The following RBFOX2 variants were observed in gnomAD, a reference collection of about 807,000 sequenced individuals.
The protein encoded by RBFOX2 is RNA binding protein fox-1 homolog 2.
RBFOX2 carries 10 observed loss-of-function variants against 49.1 expected under a neutral mutation model. That is an observed-to-expected ratio of 0.20 (90% CI 0.13 to 0.35). The LOEUF is 0.35. RBFOX2 is among the 10% of genes least tolerant of loss of function. The pLI, the probability that RBFOX2 is intolerant of heterozygous loss-of-function variation, is 1.00. For missense variants in RBFOX2, 323 were observed against 486.9 expected (o/e 0.66, Z 3.17); for synonymous variants, 183 against 187.4 (o/e 0.98, Z 0.19).
intron 1 of RBFOX2, among the ~76,000 whole-genome samples, chr22:35,873,025 C>T (rs2044562311): frequency 6.6e-6 from 1 of 152,188 alleles, no homozygotes; most frequent in South Asian, 2.1e-4. Flanking sequence ...TAATCAGCAA[C>T]TTTATAATTA....
At chr22:35,979,944 T>C (rs1216349702) in intron 1 of RBFOX2, among the ~76,000 whole-genome samples, 3 of 152,082 alleles carry the variant, frequency 2.0e-5, no homozygotes, top group Non-Finnish European at 4.4e-5. Context: ...GCCAATATCT[T>C]TACTTATCAT....
intron 6 of RBFOX2, among the ~76,000 whole-genome samples, chr22:35,763,948 T>C (rs1202108786): frequency 6.6e-6 from 1 of 152,232 alleles, no homozygotes; most frequent in Non-Finnish European, 1.5e-5. Context: ...AGGCTCTTTC[T>C]GTCACAATAT....
chr22:35,875,619 T>A (rs1049639292), intron 1 of RBFOX2, among the ~76,000 whole-genome samples: 1 of 126,304 alleles, frequency 7.9e-6, no homozygotes, highest in Non-Finnish European at 1.7e-5. Flanking sequence ...TGTGTGTGTG[T>A]GTGTGTGTGT....
chr22:36,022,368 G>A (rs969223135), intron 1 of RBFOX2, among the ~76,000 whole-genome samples: 11 of 152,100 alleles, frequency 7.2e-5, no homozygotes, highest in Non-Finnish European at 1.0e-4. Flanking sequence ...ACATGTCAGC[G>A]TGATAGTGAA....
At chr22:35,816,279 T>A (rs1569240667) in intron 1 of RBFOX2, among the ~76,000 whole-genome samples, 1 of 152,200 alleles carries the variant, frequency 6.6e-6, no homozygotes, top group East Asian at 1.9e-4. Context: ...TGTTTTGTTT[T>A]TAAGTCTAAA....
At chr22:35,840,458 G>A in exon 1 of RBFOX2, 1 of 1,410,912 alleles carries the variant, frequency 7.1e-7, no homozygotes, top group Non-Finnish European at 9.2e-7. Flanking sequence ...CAGGCAGATG[G>A]CTGAAGGAAG....
At chr22:35,746,602 C>A (rs781011048) in intron 9 of RBFOX2, 41 bp from the exon 12 acceptor site, 21 of 1,330,866 alleles carry the variant, frequency 1.6e-5, no homozygotes, top group East Asian at 2.6e-5. Flanking sequence ...ATACCTCTCC[C>A]CCCAGGTGTA....
intron 1 of RBFOX2, among the ~76,000 whole-genome samples, chr22:35,927,199 T>C (rs2051749976): frequency 6.6e-6 from 1 of 152,226 alleles, no homozygotes; most frequent in African/African-American, 2.4e-5. Context: ...ACAAGGATCT[T>C]AATGGATACT....
At chr22:35,949,287 C>A (rs954338575) in intron 1 of RBFOX2, among the ~76,000 whole-genome samples, 3 of 152,206 alleles carry the variant, frequency 2.0e-5, no homozygotes, top group Non-Finnish European at 4.4e-5. Context: ...ATTCATCTGT[C>A]AATGGACACT....
intron 1 of RBFOX2, among the ~76,000 whole-genome samples, chr22:35,915,099 T>A (rs1306180748): frequency 2.0e-5 from 3 of 152,208 alleles, no homozygotes; most frequent in Non-Finnish European, 4.4e-5. Context: ...TTACTCGAAC[T>A]CTGCCATTTC....
intron 1 of RBFOX2, among the ~76,000 whole-genome samples, chr22:35,817,672 C>G (rs2148366261): frequency 6.6e-6 from 1 of 152,106 alleles, no homozygotes; most frequent in South Asian, 2.1e-4. Flanking sequence ...CACAATGGAT[C>G]CTTCTTTTAG....
In RBFOX2 at chr22:35,759,986, C is replaced by T. The variant is rs546679588; in HGVS notation, c.789G>A (p.Thr263=). ...AATGGGCTCCTCTGAAAGCGGCTGCCGTGGTGGCTGCAGTAGGGTAAGGGA... is the reference window on the plus strand; with the variant it reads ...AATGGGCTCCTCTGAAAGCGGCTGCTGTGGTGGCTGCAGTAGGGTAAGGGA... Residue 263 remains threonine, a synonymous_variant, in exon 9 of 12, where the codon ACG becomes ACA. Transcript: ENST00000405409. This position sits in a 1 kb window ranked among gnomAD's most constrained non-coding sequence, Gnocchi z 4.6. 2.2e-5 allele frequency: 35 copies of T among 1,613,862 alleles called. No individual in the cohort carries two copies. The highest frequency in any genetic ancestry group is 2.2e-4 in the Admixed American group (13 of 60,012).
chr22:35,929,060 ATT>A (rs1463410182), intron 1 of RBFOX2, among the ~76,000 whole-genome samples: 1 of 152,114 alleles, frequency 6.6e-6, no homozygotes, highest in African/African-American at 2.4e-5. Flanking sequence ...TCAAAGCTAA[ATT>A]GAACTATGAT....
At chr22:35,945,293 G>A (rs1175049226) in intron 1 of RBFOX2, among the ~76,000 whole-genome samples, 3 of 152,014 alleles carry the variant, frequency 2.0e-5, no homozygotes, top group Non-Finnish European at 2.9e-5. Flanking sequence ...TATGTTATTC[G>A]CAGCAAGTTA....
In RBFOX2 at chr22:35,933,756, C is replaced by T. The variant is rs545448833; in HGVS notation, c.-34+5091G>A. ...CCAGTTCCCAAGTCTAATAAAGGGA[C>T]GCTTTTAACAGTCTTAAACCACCTA... On this transcript the variant is annotated intron_variant, in intron 1 of 13. Coordinates refer to the RBFOX2 transcript ENST00000359369. 2.2e-4 allele frequency among the ~76,000 whole-genome samples: 33 copies of T among 151,952 alleles called. No individual in the cohort carries two copies. In the East Asian group the frequency reaches 6.0e-3, roughly 28 times the overall value.
rs1246831323 is a variant in RBFOX2, at chr22:36,028,650, C to T, written c.-225G>A. 3.3e-5 allele frequency among the ~76,000 whole-genome samples: 5 copies of T among 150,128 alleles called. No individual in the cohort carries two copies. The East Asian group carries it at 5.9e-4, about 18-fold the overall frequency. ...CCGCCCGCCCGCCGGGTTGTCGGCG[C>T]GGGGCCACTGGCGGGTCGTGATGAG... On this transcript the variant is annotated 5_prime_UTR_variant, in exon 1 of 14. Transcript: ENST00000438146.
At position 35,759,746 on chromosome 22, in the gene RBFOX2, T is replaced by C; in HGVS notation, c.887+142A>G. Reference sequence around the variant, plus strand: ...ATGGTATATTTTGTTTTTTGTCATCTAATCTGTTAATTTGCAAATATTCAC... The same window carrying C: ...ATGGTATATTTTGTTTTTTGTCATCCAATCTGTTAATTTGCAAATATTCAC... On this transcript the variant is annotated intron_variant, in intron 9 of 11. Transcript: ENST00000405409. This position sits in a 1 kb window ranked among gnomAD's most constrained non-coding sequence, Gnocchi z 4.6. 8.8e-7 allele frequency: 1 copy of C among 1,134,774 alleles called. No homozygotes were observed. The highest frequency in any genetic ancestry group is 1.2e-6 in the Non-Finnish European group (1 of 801,278). The allele number at this position is 1,134,774 out of a possible 1,614,324, so 70.3% of individuals were successfully genotyped here.
intron 2 of RBFOX2, among the ~76,000 whole-genome samples, chr22:35,797,844 C>A (rs1053415853): frequency 6.6e-6 from 1 of 152,188 alleles, no homozygotes; most frequent in Non-Finnish European, 1.5e-5. Flanking sequence ...ATTGTCCCTG[C>A]CTGCAATGTC....
At chr22:36,011,599 G>A (rs769576669) in intron 1 of RBFOX2, among the ~76,000 whole-genome samples, 5 of 152,068 alleles carry the variant, frequency 3.3e-5, no homozygotes, top group African/African-American at 1.2e-4. Context: ...GAAATATTAC[G>A]TAGGCACTGT....
Sources: allele counts gnomAD v4.1 joint callset (sites outside exome capture counted in the v4.1 genomes callset), GRCh38; gene constraint gnomAD v4.1.1; non-coding constraint Gnocchi (gnomAD v3.1); transcripts MANE v1.5; gene names NCBI Gene and HGNC (gene_info 2026-07-23, HGNC 2026-07-21).